LRP1B: variants seen among roughly 807,000 people sequenced by gnomAD.
LRP1B encodes low-density lipoprotein receptor-related protein 1B.
LRP1B carries 217 observed loss-of-function variants against 556.6 expected under a neutral mutation model. The ratio of observed to expected loss-of-function variants is 0.39; its 90% CI spans 0.35 to 0.44. The LOEUF is 0.44. Ranked by LOEUF, LRP1B falls within the 20% of genes least tolerant of loss-of-function variation. The probability of loss-of-function intolerance (pLI) is 1.00; values close to 1 mark genes in which losing one functional copy is unlikely to be tolerated. For synonymous variants in LRP1B, 2,047 were observed against 1,865.8 expected (o/e 1.10, Z -2.50); for missense variants, 5,053 against 5,620.8 (o/e 0.90, Z 3.23).
chr2:140,924,155 C>T (rs975388347), intron 20 of LRP1B, among the ~76,000 whole-genome samples: 1 of 151,826 alleles, frequency 6.6e-6, no homozygotes, highest in Non-Finnish European at 1.5e-5. Context: ...GAAGCAGGTT[C>T]AAGTGAATTT....
chr2:141,678,253 T>A (rs1441883390), intron 2 of LRP1B, among the ~76,000 whole-genome samples: 1 of 152,150 alleles, frequency 6.6e-6, no homozygotes, highest in Non-Finnish European at 1.5e-5. Flanking sequence ...ATATCAGCTA[T>A]AATCTTAATG....
intron 1 of LRP1B, among the ~76,000 whole-genome samples, chr2:142,025,049 T>C (rs1182270577): frequency 1.3e-5 from 2 of 152,130 alleles, no homozygotes; most frequent in African/African-American, 4.8e-5. Flanking sequence ...GAAATTGATG[T>C]TTTTTGATAT....
intron 84 of LRP1B, among the ~76,000 whole-genome samples, chr2:140,292,875 C>T (rs74719658): frequency 0.02 from 3,106 of 152,198 alleles, 38 homozygotes; most frequent in African/African-American, 0.028. Flanking sequence ...TCATCAAATA[C>T]GATAGGCTTA....
At chr2:141,206,937 A>G (rs1682309767) in intron 6 of LRP1B, among the ~76,000 whole-genome samples, 2 of 152,190 alleles carry the variant, frequency 1.3e-5, no homozygotes, top group East Asian at 3.9e-4. Flanking sequence ...TGTCATAACA[A>G]TAATGGCATG....
Position 140,349,283 on chromosome 2 carries a change from A to G in LRP1B, c.11892+1514T>C, listed in dbSNP as rs547784460. 2.6e-5 allele frequency among the ~76,000 whole-genome samples: 4 copies of G among 152,240 alleles called. No individual in the cohort carries two copies. The East Asian group carries it at 5.8e-4, about 22-fold the overall frequency. On this transcript the variant is annotated intron_variant, in intron 77 of 90. Transcript: ENST00000389484. ...CTGAAAAATTATGTCAAAATTGAAG[A>G]TGTGTCTATGTTTATCAATTGTAAA...
chr2:141,286,904 C>A (rs2105400278), intron 3 of LRP1B: 1 of 252,430 alleles, frequency 4.0e-6, no homozygotes, highest in South Asian at 3.6e-5. Flanking sequence ...TAACTAATAG[C>A]CATATGTGGC....
At chr2:141,487,480 G>A (rs528941633) in intron 2 of LRP1B, among the ~76,000 whole-genome samples, 10 of 152,214 alleles carry the variant, frequency 6.6e-5, no homozygotes, top group African/African-American at 2.2e-4. Context: ...TTCTACAAAT[G>A]CTACTTTCAT....
intron 1 of LRP1B, among the ~76,000 whole-genome samples, chr2:142,045,180 G>A (rs1165166786): frequency 6.6e-6 from 1 of 150,740 alleles, no homozygotes; most frequent in African/African-American, 2.4e-5. Context: ...GGAAATGACT[G>A]TGTAGGAGTA....
intron 87 of LRP1B, among the ~76,000 whole-genome samples, chr2:140,243,817 C>T (rs1681049283): frequency 6.6e-6 from 1 of 151,066 alleles, no homozygotes. Flanking sequence ...GGTTGTTGTA[C>T]CTGCTGTTCT....
chr2:141,055,313 C>T (rs547266289), intron 9 of LRP1B, 54 bp from the exon 10 acceptor site: 4 of 1,564,258 alleles, frequency 2.6e-6, no homozygotes, highest in African/African-American at 2.8e-5. Context: ...GATAAGATAA[C>T]TATGTGCATC....
In LRP1B at chr2:141,962,993, C is replaced by G. The variant is rs1286687644; in HGVS notation, c.83-152592G>C. Among the ~76,000 whole-genome samples the G allele has an allele frequency of 2.6e-5, 4 of 151,744 alleles. No homozygotes were observed. The East Asian group carries it at 5.8e-4, about 22-fold the overall frequency. On this transcript the variant is annotated intron_variant, in intron 1 of 90. Transcript: ENST00000389484. The stretch of plus-strand genomic sequence containing the variant: ...TCACTGTGCAACAAAAGGATTCATA[C>G]TTTTTTTAATCTAAAATAAGATTTT...
At chr2:140,512,360 A>T (rs778201555) in intron 51 of LRP1B, among the ~76,000 whole-genome samples, 10 of 152,160 alleles carry the variant, frequency 6.6e-5, no homozygotes, top group Non-Finnish European at 1.5e-4. Flanking sequence ...CCAAAGAAAA[A>T]ATTCATGACT....
intron 18 of LRP1B, among the ~76,000 whole-genome samples, chr2:140,971,033 C>T (rs1459001249): frequency 1.3e-5 from 2 of 152,096 alleles, no homozygotes; most frequent in East Asian, 1.9e-4. Flanking sequence ...CATGAGCCAC[C>T]GTGCTCAGCC....
chr2:141,592,201 C>T (rs1395754126), intron 2 of LRP1B, among the ~76,000 whole-genome samples: 1 of 152,058 alleles, frequency 6.6e-6, no homozygotes, highest in Non-Finnish European at 1.5e-5. Context: ...TGGAAATTTT[C>T]CAAGGGCAGG....
At chr2:140,763,141 T>C (rs1157245620) in intron 35 of LRP1B, among the ~76,000 whole-genome samples, 2 of 152,140 alleles carry the variant, frequency 1.3e-5, no homozygotes, top group African/African-American at 4.8e-5. Flanking sequence ...TTTAGCTGGA[T>C]GTTGCCGGTG....
intron 35 of LRP1B, among the ~76,000 whole-genome samples, chr2:140,717,706 G>A (rs1687262095): frequency 6.6e-6 from 1 of 152,050 alleles, no homozygotes; most frequent in Non-Finnish European, 1.5e-5. Flanking sequence ...GCCATTTGAA[G>A]AATAAATCCT....
chr2:140,405,264 G>A (rs1480821847), intron 66 of LRP1B, among the ~76,000 whole-genome samples: 1 of 152,142 alleles, frequency 6.6e-6, no homozygotes, highest in Non-Finnish European at 1.5e-5. Context: ...CGGAAAGTCT[G>A]AAAGAGCACA....
At chr2:140,302,075 G>C (rs1352914462) in intron 83 of LRP1B, among the ~76,000 whole-genome samples, 1 of 152,044 alleles carries the variant, frequency 6.6e-6, no homozygotes, top group Non-Finnish European at 1.5e-5. Flanking sequence ...TCTTTCTCCA[G>C]TGGCTTCCGA....
intron 3 of LRP1B, among the ~76,000 whole-genome samples, chr2:141,380,304 T>C (rs76327747): frequency 0.068 from 10,274 of 152,076 alleles, 480 homozygotes; most frequent in African/African-American, 0.12. Flanking sequence ...CTTTTCCAGC[T>C]GCTGTCCAAG....
Sources: gnomAD v4.1 joint callset for allele counts (sites outside exome capture counted in the v4.1 genomes callset) on GRCh38, gnomAD v4.1.1 for gene constraint, MANE v1.5 for transcripts, NCBI Gene and HGNC (gene_info 2026-07-23, HGNC 2026-07-21) for gene names.